The following MBD5 variants were observed in gnomAD, a reference collection of about 807,000 sequenced individuals.
The protein encoded by MBD5 is methyl-CpG-binding domain protein 5.
In MBD5, 13 loss-of-function variants were observed where a neutral mutation model predicts 117.3. The ratio of observed to expected loss-of-function variants is 0.11; its 90% CI spans 0.07 to 0.18. The LOEUF is 0.18. Among genes scored for constraint, MBD5 ranks in the 10% least tolerant of loss-of-function variants. The pLI, the probability that MBD5 is intolerant of heterozygous loss-of-function variation, is 1.00. For synonymous variants in MBD5, 727 were observed against 766.4 expected (o/e 0.95, Z 0.85); for missense variants, 1,879 against 2,093.8 (o/e 0.90, Z 2.00).
At chr2:148,212,713 TATA>T (rs1199278592) in intron 2 of MBD5, among the ~76,000 whole-genome samples, 5 of 152,228 alleles carry the variant, frequency 3.3e-5, no homozygotes, top group African/African-American at 4.8e-5. Flanking sequence ...AGGGATTTTT[TATA>T]ATAACTTGAA....
intron 4 of MBD5, among the ~76,000 whole-genome samples, chr2:148,408,833 T>C (rs1705161994): frequency 6.6e-6 from 1 of 152,082 alleles, no homozygotes. Context: ...ACAGGCTTTT[T>C]TTTTCTTGTC....
chr2:148,229,246 A>G (rs1327917138), intron 2 of MBD5, among the ~76,000 whole-genome samples: 1 of 149,286 alleles, frequency 6.7e-6, no homozygotes, highest in African/African-American at 2.5e-5. Flanking sequence ...TTAATTCTTT[A>G]TTCAGCTTGA....
intron 2 of MBD5, among the ~76,000 whole-genome samples, chr2:148,227,216 A>G (rs1335498285): frequency 2.6e-5 from 4 of 152,150 alleles, no homozygotes; most frequent in African/African-American, 4.8e-5. Context: ...GGTATTGCCT[A>G]GGTTTTCTTC....
intron 1 of MBD5, among the ~76,000 whole-genome samples, chr2:148,085,564 A>G (rs1183386285): frequency 6.6e-6 from 1 of 151,762 alleles, no homozygotes; most frequent in Admixed American, 6.6e-5. Flanking sequence ...CTCTACTAAA[A>G]ATACAAAAAA....
intron 2 of MBD5, among the ~76,000 whole-genome samples, chr2:148,196,741 A>G (rs186313071): frequency 2.4e-3 from 360 of 152,266 alleles, no homozygotes; most frequent in Middle Eastern, 3.4e-3. Context: ...GTTATTTTCT[A>G]TGAATTTGAA....
chr2:148,185,517 GT>G (rs1698633050), intron 2 of MBD5, among the ~76,000 whole-genome samples: 1 of 152,166 alleles, frequency 6.6e-6, no homozygotes, highest in African/African-American at 2.4e-5. Context: ...TTGGAAAACA[GT>G]TTAAATATCC....
chr2:148,155,953 C>T (rs1697862056), intron 1 of MBD5, among the ~76,000 whole-genome samples: 1 of 152,158 alleles, frequency 6.6e-6, no homozygotes, highest in Non-Finnish European at 1.5e-5. Context: ...GTTATACCTT[C>T]AGAGAGAAAA....
chr2:148,308,797 T>A (rs764131406), intron 3 of MBD5, among the ~76,000 whole-genome samples: 22 of 152,204 alleles, frequency 1.4e-4, no homozygotes, highest in Non-Finnish European at 2.6e-4. Context: ...GTCTTACATA[T>A]AAGTCTTTAA....
At chr2:148,134,935 TA>T (rs1348149146) in intron 1 of MBD5, among the ~76,000 whole-genome samples, 4 of 152,230 alleles carry the variant, frequency 2.6e-5, no homozygotes, top group Non-Finnish European at 4.4e-5. Context: ...GGACAGGGTA[TA>T]GGGGTGGTTT....
rs1161394921 is a variant in MBD5, at chr2:148,283,013, A to G, written c.-680+49618A>G. Among the ~76,000 whole-genome samples, 5 of 151,858 alleles carry G rather than the reference A, an allele frequency of 3.3e-5. No individual in the cohort carries two copies. In the East Asian group the frequency reaches 9.6e-4, roughly 29 times the overall value. Reference sequence around the variant, plus strand: ...AGTACTGAAAAATCATTTGGGCTCAAAATCAGAAGATCTAGGTTCAAGTAG... The same window carrying G: ...AGTACTGAAAAATCATTTGGGCTCAGAATCAGAAGATCTAGGTTCAAGTAG... On this transcript the variant is annotated intron_variant, in intron 3 of 13. Coordinates refer to ENST00000642680, the MANE Select transcript of MBD5 (RefSeq NM_001378120.1).
chr2:148,221,481 T>C (rs1699684482), intron 2 of MBD5, among the ~76,000 whole-genome samples: 1 of 152,202 alleles, frequency 6.6e-6, no homozygotes, highest in South Asian at 2.1e-4. Flanking sequence ...TGATATCTCA[T>C]TGTAGTTTGG....
At chr2:148,068,728 G>C (rs1358587698) in intron 1 of MBD5, 1 of 152,182 alleles carries the variant, frequency 6.6e-6, no homozygotes, top group Non-Finnish European at 1.5e-5. Flanking sequence ...TAAGAAGTCA[G>C]GAGGTGACTG....
intron 3 of MBD5, among the ~76,000 whole-genome samples, chr2:148,237,739 G>A (rs1422585053): frequency 6.6e-6 from 1 of 152,174 alleles, no homozygotes; most frequent in Non-Finnish European, 1.5e-5. Flanking sequence ...CTTGCTCAGT[G>A]CAGAGTTGTC....
intron 4 of MBD5, among the ~76,000 whole-genome samples, chr2:148,386,635 C>T (rs1704374620): frequency 7.0e-6 from 1 of 143,620 alleles, no homozygotes; most frequent in South Asian, 2.2e-4. Flanking sequence ...AGGAGAATGG[C>T]GTGAACCCGG....
chr2:148,487,217 C>T (rs951553722), intron 10 of MBD5, among the ~76,000 whole-genome samples: 1 of 152,006 alleles, frequency 6.6e-6, no homozygotes, highest in African/African-American at 2.4e-5. Context: ...TATAATCATA[C>T]GCTAAAGGAA....
chr2:148,446,602 C>CTCTGTGTGTGTGTGTG (rs1553516216), intron 4 of MBD5, among the ~76,000 whole-genome samples: 5 of 148,784 alleles, frequency 3.4e-5, no homozygotes, highest in African/African-American at 1.2e-4. Flanking sequence ...GATTATTTAT[C>CTCTGTGTGTGTGTGTG]TGTGTGTGTG....
intron 3 of MBD5, among the ~76,000 whole-genome samples, chr2:148,246,780 A>AAAG: frequency 6.6e-6 from 1 of 151,498 alleles, no homozygotes; most frequent in East Asian, 1.9e-4. Flanking sequence ...AAAAAAAAAA[A>AAAG]AAAAAAATTG....
At chr2:148,227,598 C>T (rs1203615527) in intron 2 of MBD5, among the ~76,000 whole-genome samples, 6 of 152,164 alleles carry the variant, frequency 3.9e-5, no homozygotes, top group Non-Finnish European at 8.8e-5. Context: ...GCAATGTGGG[C>T]TCTATTTTGG....
intron 4 of MBD5, among the ~76,000 whole-genome samples, chr2:148,358,477 T>C (rs1243920130): frequency 1.3e-5 from 2 of 152,084 alleles, no homozygotes; most frequent in Non-Finnish European, 2.9e-5. Flanking sequence ...TTTCTCCTAT[T>C]ATAAAGCAAA....
Sources: gnomAD v4.1 joint callset for allele counts (sites outside exome capture counted in the v4.1 genomes callset) on GRCh38, gnomAD v4.1.1 for gene constraint, MANE v1.5 for transcripts, NCBI Gene and HGNC (gene_info 2026-07-23, HGNC 2026-07-21) for gene names.